Variants in PACS2 observed in about 807,000 individuals in gnomAD.
The protein encoded by PACS2 is PACS1-like protein.
In PACS2, 36 loss-of-function variants were observed where a neutral mutation model predicts 113.0. The observed-to-expected ratio is 0.32, with a 90% CI of 0.24 to 0.42. The LOEUF is 0.42. Among genes scored for constraint, PACS2 ranks in the 10% least tolerant of loss-of-function variants. The pLI is 1.00. For missense variants in PACS2, 1,015 were observed against 1,239.5 expected, an observed-to-expected ratio of 0.82 and a Z score of 2.72; for synonymous variants, 589 against 536.1, an observed-to-expected ratio of 1.10 and a Z score of -1.36.
At chr14:105,328,424 G>C (rs2059197726) in intron 1 of PACS2, among the ~76,000 whole-genome samples, 1 of 152,206 alleles carries the variant, frequency 6.6e-6, no homozygotes, top group South Asian at 2.1e-4. Flanking sequence ...AGGGAGCTCA[G>C]GCTGTGGCTG....
In PACS2 at chr14:105,333,452, G is replaced by T. The variant is rs374448921; in HGVS notation, c.120-15041G>T. On this transcript the variant is annotated intron_variant, in intron 1 of 24. Transcript: ENST00000447393. ...AGACCCTCCTGGAAGCCAGTCCCTG[G>T]CCGTCCTGTCCTGCTGGGGGCACAG... is the stretch of plus-strand genomic sequence containing the variant. Among the ~76,000 whole-genome samples the T allele has an allele frequency of 2.0e-5, 3 of 152,322 alleles. No homozygotes were observed. The South Asian group carries it at 6.2e-4, about 32-fold the overall frequency.
At chr14:105,302,401 C>A (rs2058066719) in intron 1 of PACS2, among the ~76,000 whole-genome samples, 1 of 151,268 alleles carries the variant, frequency 6.6e-6, no homozygotes, top group South Asian at 2.1e-4. Flanking sequence ...CGGGGTTTCT[C>A]CATGTTGGTC....
intron 2 of PACS2, among the ~76,000 whole-genome samples, chr14:105,349,369 G>A (rs2060067809): frequency 2.0e-5 from 3 of 152,240 alleles, no homozygotes; most frequent in Non-Finnish European, 2.9e-5. Flanking sequence ...CAGCGTGACA[G>A]GGTGGGGTCT....
At chr14:105,370,035 A>AGAGGC in intron 8 of PACS2, 135 bp downstream of exon 8, 1 of 768,588 alleles carries the variant, frequency 1.3e-6, no homozygotes, top group Non-Finnish European at 2.1e-6. Flanking sequence ...CCAGCATCGC[A>AGAGGC]CAGTCTGCGA....
intron 8 of PACS2, chr14:105,370,421 A>G (rs2061108520): frequency 6.6e-6 from 1 of 152,170 alleles, no homozygotes; most frequent in South Asian, 2.1e-4. Context: ...CATACCGAAA[A>G]GAAAAACATG....
intron 1 of PACS2, among the ~76,000 whole-genome samples, chr14:105,337,806 C>T (rs1369986137): frequency 6.6e-6 from 1 of 152,226 alleles, no homozygotes; most frequent in Admixed American, 6.5e-5. Flanking sequence ...ACTGGGGGGC[C>T]TGGTGCAGAG....
intron 1 of PACS2, among the ~76,000 whole-genome samples, chr14:105,325,562 G>A (rs927824839): frequency 6.6e-6 from 1 of 152,342 alleles, no homozygotes; most frequent in Middle Eastern, 3.4e-3. Flanking sequence ...GCCACGCACA[G>A]GCAGCTCAGC....
intron 1 of PACS2, among the ~76,000 whole-genome samples, chr14:105,303,646 T>G (rs1475532939): frequency 6.6e-6 from 1 of 152,254 alleles, no homozygotes; most frequent in East Asian, 1.9e-4. Flanking sequence ...AATTACCACT[T>G]TAGCTGAATC....
rs1474584241 is a variant in PACS2 at position 105,330,688 on chromosome 14, C to A, written c.119+15651C>A. ...ATCAGAATCCTGGGGCCCCACCCAA[C>A]ACCCACGCATTTCCTGTCTTTTCTC... On this transcript the variant is annotated intron_variant, in intron 1 of 24. Coordinates refer to ENST00000447393, the MANE Select transcript of PACS2 (RefSeq NM_001100913.3). The surrounding 1 kb of genome is among the most constrained non-coding windows in gnomAD (Gnocchi z 6.9). Among the ~76,000 whole-genome samples, 1 of 152,252 alleles carries A rather than the reference C, an allele frequency of 6.6e-6. No individual in the cohort carries two copies. The highest frequency in any genetic ancestry group is 1.9e-4 in the East Asian group (1 of 5,198).
rs1363627901 is a variant in PACS2, at chr14:105,395,547, G to A, written c.*875G>A. 2 of 152,320 alleles carry A rather than the reference G, an allele frequency of 1.3e-5. No individual in the cohort carries two copies. Among genetic ancestry groups the A allele is most frequent in the Non-Finnish European group, 2.9e-5 (2 of 68,106 alleles). The allele number at this position is 152,320 out of a possible 1,614,324, so 9.4% of individuals were successfully genotyped here. On this transcript the variant is annotated 3_prime_UTR_variant, in exon 25 of 25. Coordinates refer to ENST00000447393, the MANE Select transcript of PACS2 (RefSeq NM_001100913.3). The stretch of plus-strand genomic sequence containing the variant: ...CCTCCACCCCAGTGGGTATGTCTGA[G>A]GTCAGCCATGGGGATATCTGGGTTG...
At chr14:105,362,362 A>G (rs1283670385) in intron 4 of PACS2, among the ~76,000 whole-genome samples, 4 of 147,790 alleles carry the variant, frequency 2.7e-5, no homozygotes, top group African/African-American at 5.1e-5. Flanking sequence ...GCTTGCAGTG[A>G]GCCGAGATCG....
intron 21 of PACS2, 110 bp downstream of exon 21, chr14:105,391,359 C>A: frequency 1.2e-6 from 1 of 838,316 alleles, no homozygotes; most frequent in Non-Finnish European, 2.0e-6. Flanking sequence ...TGAGAGCCGC[C>A]ACGTCCCAGT....
At position 105,394,541 on chromosome 14, in the gene PACS2, C is replaced by G. The variant is rs781964872; in HGVS notation, c.2597-13C>G. On this transcript the variant is annotated splice_polypyrimidine_tract_variant and intron_variant, in intron 24 of 24. Transcript: ENST00000447393. ...GGCAGGGGGGCAGGCGGTCAGGCAG[C>G]CCTCTCCCACAGTCCTCATCGACGG... The G allele has an allele frequency of 6.2e-7, 1 of 1,611,018 alleles. No homozygotes were observed. Among genetic ancestry groups the G allele is most frequent in the Non-Finnish European group, 8.5e-7 (1 of 1,178,858 alleles).
intron 8 of PACS2, 144 bp downstream of exon 8, chr14:105,370,044 G>T (rs1005492011): frequency 2.8e-6 from 2 of 703,206 alleles, no homozygotes; most frequent in Non-Finnish European, 4.7e-6. Flanking sequence ...CACAGTCTGC[G>T]AGGCGCAGTG....
At chr14:105,363,754 C>G (rs114629610) in intron 4 of PACS2, among the ~76,000 whole-genome samples, 1 of 152,094 alleles carries the variant, frequency 6.6e-6, no homozygotes, top group African/African-American at 2.4e-5. Context: ...GTATAAGGGG[C>G]CTCGCCCTCA....
At chr14:105,391,362 G>T in intron 21 of PACS2, 113 bp downstream of exon 21, 1 of 822,344 alleles carries the variant, frequency 1.2e-6, no homozygotes, top group South Asian at 1.4e-5. Context: ...GAGCCGCCAC[G>T]TCCCAGTCTT....
At chr14:105,325,871 C>T (rs1230980378) in intron 1 of PACS2, among the ~76,000 whole-genome samples, 2 of 152,394 alleles carry the variant, frequency 1.3e-5, no homozygotes, top group East Asian at 3.9e-4. Flanking sequence ...AGCTTGGCCC[C>T]TCTGCTGGGC....
chr14:105,352,355 G>A (rs1595665939), intron 2 of PACS2, 23 bp from the exon 3 acceptor site: 1 of 1,523,210 alleles, frequency 6.6e-7, no homozygotes, highest in Non-Finnish European at 9.1e-7. Flanking sequence ...CTTTGAGCTA[G>A]AACAGGTCTT....
intron 19 of PACS2, among the ~76,000 whole-genome samples, chr14:105,386,171 T>C (rs1236313466): frequency 1.3e-5 from 2 of 152,216 alleles, no homozygotes; most frequent in African/African-American, 4.8e-5. Flanking sequence ...GGCCAGGCTG[T>C]TTCCCAGGCC....
Sources: gnomAD v4.1 joint callset for allele counts (sites outside exome capture counted in the v4.1 genomes callset) on GRCh38, gnomAD v4.1.1 for gene constraint, Gnocchi (gnomAD v3.1) non-coding constraint, MANE v1.5 for transcripts, NCBI Gene and HGNC (gene_info 2026-07-23, HGNC 2026-07-21) for gene names.